The following PCLO variants were observed in gnomAD, a reference collection of about 807,000 sequenced individuals.
The protein encoded by PCLO is piccolo presynaptic cytomatrix protein, also known as protein piccolo.
Under a neutral mutation model 427.5 loss-of-function variants are expected in PCLO, and 82 were observed. That is an observed-to-expected ratio of 0.19 (90% CI 0.16 to 0.23). PCLO has a LOEUF of 0.23. Among genes scored for constraint, PCLO ranks in the 10% least tolerant of loss-of-function variants. The pLI, the probability that PCLO is intolerant of heterozygous loss-of-function variation, is 1.00. For missense variants in PCLO, 6,239 were observed against 6,115.9 expected (o/e 1.02, Z -0.67); for synonymous variants, 2,357 against 2,155.4 (o/e 1.09, Z -2.59).
Position 82,953,683 on chromosome 7 carries a change from G to T in PCLO, c.7270C>A (p.Pro2424Thr). The T allele has an allele frequency of 2.4e-6, 3 of 1,265,980 alleles. No homozygotes were observed. The highest frequency in any genetic ancestry group is 3.3e-6 in the Non-Finnish European group (3 of 916,140). 78.4% of individuals were successfully genotyped at this position (1,265,980 alleles called of 1,614,324 possible). A position where few individuals can be genotyped will look rare whatever the true frequency, so the allele number is the denominator to read the frequency against. The change falls in exon 5 of 25, where the codon CCC (proline) becomes ACC (threonine). Residue 2424 changes from proline (P) to threonine (T), a missense_variant. Physicochemically the swap from Pro to Thr is conservative, Grantham distance 38 (BLOSUM62 -1). Around this residue, in one of 5 missense-constraint regions of PCLO, gnomAD observed 4,677 missense variants for 4,468.4 expected, o/e 1.05. Transcript: ENST00000333891. ...GAAGTTGGTGGAGGAAGTGGTGGGG[G>T]AGGAGGGGGTGGTGGTGGAGGAGGA... ...PPPPPPPPPP[P>T]PPLPPPTSPK...
At chr7:83,098,990 A>G (rs1790665284) in intron 3 of PCLO, among the ~76,000 whole-genome samples, 1 of 152,128 alleles carries the variant, frequency 6.6e-6, no homozygotes, top group African/African-American at 2.4e-5. Flanking sequence ...CAAGGAGTGG[A>G]AAAACACAAG....
At chr7:82,996,752 C>T (rs576842238) in intron 3 of PCLO, among the ~76,000 whole-genome samples, 8 of 151,968 alleles carry the variant, frequency 5.3e-5, no homozygotes, top group African/African-American at 1.9e-4. Context: ...CCAAAAGATA[C>T]TATAGTGACT....
rs1407703412 is a variant in PCLO at position 82,838,803 on chromosome 7, C to T, written c.14098-461G>A. On this transcript the variant is annotated intron_variant, in intron 14 of 24. Transcript: ENST00000333891. Reference sequence around the variant, plus strand: ...AACTGTCATTTAAAGATAAAGCTGTCAGCACTGAAATGTAAGAATATTTAA... The same window carrying T: ...AACTGTCATTTAAAGATAAAGCTGTTAGCACTGAAATGTAAGAATATTTAA... Among the ~76,000 whole-genome samples, 6 of 151,942 alleles carry T rather than the reference C, an allele frequency of 3.9e-5. No individual in the cohort carries two copies. The East Asian group carries it at 9.7e-4, about 24-fold the overall frequency.
chr7:83,155,662 C>T lies in PCLO; in HGVS notation c.979G>A (p.Gly327Arg). The change falls in exon 2 of 25, where the codon GGG (glycine) becomes AGG (arginine). Residue 327 changes from glycine (G) to arginine (R), a missense_variant. Gly to Arg is a moderately radical substitution (Grantham distance 125). Transcript: ENST00000333891. Reference sequence around the variant, plus strand: ...GGCTGAGCTGGGGGCTTTGCAGGCCCAGGCTGTGATTTTTCATGTCCAGGC... The same window carrying T: ...GGCTGAGCTGGGGGCTTTGCAGGCCTAGGCTGTGATTTTTCATGTCCAGGC... ...QQPGHEKSQPGPAKPPAQPSG... is the reference protein window; with the variant it reads ...QQPGHEKSQPRPAKPPAQPSG... 1.2e-6 allele frequency: 2 copies of T among 1,613,924 alleles called. No homozygotes were observed. The highest frequency in any genetic ancestry group is 1.7e-6 in the Non-Finnish European group (2 of 1,179,876).
intron 2 of PCLO, among the ~76,000 whole-genome samples, chr7:83,138,592 T>C (rs986581336): frequency 6.0e-5 from 9 of 149,968 alleles, no homozygotes; most frequent in Non-Finnish European, 8.9e-5. Context: ...ACCTGGGAGG[T>C]GGAGGTTGCA....
intron 3 of PCLO, among the ~76,000 whole-genome samples, chr7:83,084,918 T>C (rs1790192736): frequency 6.6e-6 from 1 of 152,174 alleles, no homozygotes; most frequent in Non-Finnish European, 1.5e-5. Context: ...CAAAGCATAC[T>C]AAAATGGGAT....
chr7:82,793,265 A>G (rs184084831), intron 22 of PCLO, among the ~76,000 whole-genome samples: 51 of 152,256 alleles, frequency 3.3e-4, no homozygotes, highest in Admixed American at 2.4e-3. Context: ...TGCCAGTGCT[A>G]TCCCTGGCTT....
chr7:82,866,815 A>C (rs1268388755), intron 10 of PCLO, among the ~76,000 whole-genome samples: 2 of 152,122 alleles, frequency 1.3e-5, no homozygotes, highest in African/African-American at 4.8e-5. Flanking sequence ...ATGCTGAACT[A>C]TTAAAAATTA....
chr7:83,038,045 A>ATATATATT (rs1788861867), intron 3 of PCLO, among the ~76,000 whole-genome samples: 7 of 35,200 alleles, frequency 2.0e-4, no homozygotes, highest in African/African-American at 4.5e-4. Context: ...ATATTTATAT[A>ATATATATT]TATATCTTTA....
At position 82,953,627 on chromosome 7, in the gene PCLO, C is replaced by T; in HGVS notation, c.7326G>A (p.Lys2442=). Residue 2442 remains lysine (K), a synonymous_variant, in exon 5 of 25, where the codon AAG becomes AAA. Transcript: ENST00000333891. The part of the protein sequence containing the change: ...SPKPTILPKK[K]LTVASPVTTA... ...TAGTCACTGGAGATGCAACTGTTAACTTTTTTTTAGGAAGAATAGTTGGTT... is the reference window on the plus strand; with the variant it reads ...TAGTCACTGGAGATGCAACTGTTAATTTTTTTTTAGGAAGAATAGTTGGTT... 3 of 1,534,260 alleles carry T rather than the reference C, an allele frequency of 2.0e-6. No individual in the cohort carries two copies. Among genetic ancestry groups the T allele is most frequent in the Non-Finnish European group, 2.6e-6 (3 of 1,132,536 alleles).
intron 2 of PCLO, among the ~76,000 whole-genome samples, chr7:83,147,119 AT>A (rs1792015275): frequency 6.6e-6 from 1 of 151,974 alleles, no homozygotes; most frequent in Admixed American, 6.6e-5. Flanking sequence ...TATGTATATA[AT>A]ATTAATATTA....
chr7:82,888,798 ATAATC>A (rs775765924), intron 9 of PCLO, among the ~76,000 whole-genome samples: 4 of 152,158 alleles, frequency 2.6e-5, no homozygotes, highest in Admixed American at 6.6e-5. Flanking sequence ...CAAAATAAAA[ATAATC>A]TATTATCCTG....
chr7:82,965,722 T>C, intron 4 of PCLO, 49 bp downstream of exon 4: 1 of 1,290,658 alleles, frequency 7.7e-7, no homozygotes, highest in African/African-American at 1.5e-5. Context: ...GGTTAAAAAT[T>C]AGTAATTTCA....
chr7:82,856,010 T>A (rs1056201394), intron 10 of PCLO, among the ~76,000 whole-genome samples: 1 of 152,110 alleles, frequency 6.6e-6, no homozygotes. Context: ...ACTACTCTTG[T>A]GAAAACTTGG....
chr7:83,100,757 C>T (rs2116485817), intron 3 of PCLO, among the ~76,000 whole-genome samples: 1 of 152,228 alleles, frequency 6.6e-6, no homozygotes, highest in African/African-American at 2.4e-5. Flanking sequence ...ACCCCCACAA[C>T]ACCAGTTTAC....
chr7:83,131,256 G>A (rs1345891908), intron 3 of PCLO, among the ~76,000 whole-genome samples: 18 of 152,156 alleles, frequency 1.2e-4, no homozygotes, highest in Non-Finnish European at 1.9e-4. Context: ...TATACAAACT[G>A]GGCATCAATC....
intron 3 of PCLO, among the ~76,000 whole-genome samples, chr7:82,998,197 G>A (rs1265205677): frequency 6.6e-6 from 1 of 151,938 alleles, no homozygotes; most frequent in Admixed American, 6.6e-5. Flanking sequence ...AAGCCTGAGA[G>A]TTTGAATCCA....
Position 82,935,194 on chromosome 7 carries a change from T to TA in PCLO, c.11112+14281dup, listed in dbSNP as rs528188502. 4.9e-3 allele frequency among the ~76,000 whole-genome samples: 415 copies of TA among 84,206 alleles called. 2 individuals are homozygous for TA. The highest frequency in any genetic ancestry group is 5.5e-3 in the Non-Finnish European group (238 of 42,992). The allele number at this position is 84,206 out of a possible 152,430, so 55.2% of individuals were successfully genotyped here. On this transcript the variant is annotated intron_variant, in intron 6 of 24. Transcript: ENST00000333891. The stretch of plus-strand genomic sequence containing the variant: ...CCAGGAAGCAAGCAGCCTGGTATAC[T>TA]AAAAAAAAAAAAAAAAAAAAAAAAA...
intron 3 of PCLO, among the ~76,000 whole-genome samples, chr7:83,065,050 G>A (rs867376209): frequency 1.9e-4 from 12 of 64,602 alleles, no homozygotes; most frequent in African/African-American, 1.3e-3. Flanking sequence ...TGCAAAGCTT[G>A]GGTTCCAAAA....
Sources: gnomAD v4.1 joint callset for allele counts (sites outside exome capture counted in the v4.1 genomes callset) on GRCh38, gnomAD v4.1.1 for gene constraint, gnomAD v4.1.1 regional missense constraint, MANE v1.5 for transcripts, NCBI Gene and HGNC (gene_info 2026-07-23, HGNC 2026-07-21) for gene names.